ADRA1A: variants seen among roughly 807,000 people sequenced by gnomAD.
ADRA1A encodes alpha-1A adrenergic receptor.
A neutral mutation model predicts 29.6 loss-of-function variants in ADRA1A; 31 were observed. That is an observed-to-expected ratio of 1.05 (90% CI 0.79 to 1.41). The LOEUF (loss-of-function observed/expected upper bound fraction) is 1.41, where lower values mean the gene tolerates loss of function less well. Among genes scored for constraint, ADRA1A ranks in the 40% most tolerant of loss-of-function variants. The probability of loss-of-function intolerance (pLI) is 0.00; values close to 1 mark genes in which losing one functional copy is unlikely to be tolerated. For missense variants in ADRA1A, 619 were observed against 601.1 expected (o/e 1.03, Z -0.31); for synonymous variants, 311 against 254.3 (o/e 1.22, Z -2.12).
intron 2 of ADRA1A, among the ~76,000 whole-genome samples, chr8:26,813,467 G>A (rs1449131128): frequency 6.6e-6 from 1 of 151,856 alleles, no homozygotes; most frequent in East Asian, 1.9e-4. Flanking sequence ...TGGTTAAAAG[G>A]GATCTTAATT....
Position 26,769,375 on chromosome 8 carries a change from A to G in ADRA1A, c.*774T>C. ...GAACTGTTTAATGGATTTTCTCTCT[A>G]GTAGTTAAATTGAAAGAATGATGCT... is the stretch of plus-strand genomic sequence containing the variant. On this transcript the variant is annotated 3_prime_UTR_variant, in exon 3 of 3. Coordinates refer to ENST00000380573, the MANE Select transcript of ADRA1A (RefSeq NM_000680.4). The G allele has an allele frequency of 3.0e-6, 3 of 985,458 alleles. No individual in the cohort carries two copies. The highest frequency in any genetic ancestry group is 3.6e-6 in the Non-Finnish European group (3 of 829,932). 61.0% of individuals were successfully genotyped at this position (985,458 alleles called of 1,614,324 possible). A position where few individuals can be genotyped will look rare whatever the true frequency, so the allele number is the denominator to read the frequency against.
intron 2 of ADRA1A, among the ~76,000 whole-genome samples, chr8:26,824,558 G>C (rs1810412110): frequency 6.6e-6 from 1 of 152,172 alleles, no homozygotes; most frequent in Admixed American, 6.5e-5. Flanking sequence ...CTAGAACCCA[G>C]ATATTCCTGT....
chr8:26,838,006 C>T (rs760419013), intron 2 of ADRA1A, among the ~76,000 whole-genome samples: 2 of 152,164 alleles, frequency 1.3e-5, no homozygotes, highest in South Asian at 2.1e-4. Flanking sequence ...GTTGTTTTTC[C>T]GGCTTGAGTT....
chr8:26,778,049 C>T (rs576405111), intron 2 of ADRA1A, among the ~76,000 whole-genome samples: 1 of 152,302 alleles, frequency 6.6e-6, no homozygotes, highest in East Asian at 1.9e-4. Flanking sequence ...GTCTGGCTGG[C>T]CAAGGAGAGC....
At position 26,806,640 on chromosome 8, in the gene ADRA1A, G is replaced by T. The variant is rs574434953; in HGVS notation, c.884-35974C>A. Among the ~76,000 whole-genome samples, 1 of 152,256 alleles carries T rather than the reference G, an allele frequency of 6.6e-6. No individual in the cohort carries two copies. Among genetic ancestry groups the T allele is most frequent in the African/African-American group, 2.4e-5 (1 of 41,558 alleles). ...AATGAAATGGCCTATAGCTTAGAAT[G>T]GAACCTCTCTAATCGCCAGAGAGTC... On this transcript the variant is annotated intron_variant, in intron 2 of 2. Transcript: ENST00000380573. The surrounding 1 kb of genome is among the most constrained non-coding windows in gnomAD (Gnocchi z 4.6).
intron 2 of ADRA1A, among the ~76,000 whole-genome samples, chr8:26,812,856 T>G (rs925422290): frequency 6.8e-6 from 1 of 146,346 alleles, no homozygotes; most frequent in Non-Finnish European, 1.5e-5. Flanking sequence ...TAGTAGAGAC[T>G]GGAGTTTCAC....
At chr8:26,788,793 A>G (rs1190073433) in intron 2 of ADRA1A, among the ~76,000 whole-genome samples, 2 of 152,160 alleles carry the variant, frequency 1.3e-5, no homozygotes, top group Non-Finnish European at 2.9e-5. Context: ...CGAATGCGCT[A>G]CAACCCACTG....
In ADRA1A at chr8:26,805,904, A is replaced by G. The variant is rs185149799; in HGVS notation, c.884-35238T>C. Among the ~76,000 whole-genome samples the G allele has an allele frequency of 6.6e-6, 1 of 152,266 alleles. No individual in the cohort carries two copies. The highest frequency in any genetic ancestry group is 1.5e-5 in the Non-Finnish European group (1 of 68,016). On this transcript the variant is annotated intron_variant, in intron 2 of 2. Transcript: ENST00000380573. This position sits in a 1 kb window ranked among gnomAD's most constrained non-coding sequence, Gnocchi z 4.8. The stretch of plus-strand genomic sequence containing the variant: ...CCTTGATAAAGACACAGCTTATCAG[A>G]GCCTGTGCCCCCTTCCCCCTAGGCA...
At chr8:26,764,618 C>T (rs1563233165), downstream of ADRA1A, among the ~76,000 whole-genome samples, 1 of 152,234 alleles carries the variant, frequency 6.6e-6, no homozygotes, top group Non-Finnish European at 1.5e-5. Context: ...CCTTAAATCT[C>T]CCACCTCCTC....
At chr8:26,751,805 A>G (rs1288523604), downstream of ADRA1A, among the ~76,000 whole-genome samples, 1 of 152,256 alleles carries the variant, frequency 6.6e-6, no homozygotes, top group Non-Finnish European at 1.5e-5. Context: ...CTTTACATGT[A>G]TCGGTCCAAT....
At chr8:26,834,196 A>G (rs1811187468) in intron 2 of ADRA1A, among the ~76,000 whole-genome samples, 1 of 152,260 alleles carries the variant, frequency 6.6e-6, no homozygotes, top group Non-Finnish European at 1.5e-5. Context: ...AGCAATGTAT[A>G]CAATAAACAA....
At chr8:26,836,157 C>A in intron 2 of ADRA1A, 1 of 236,470 alleles carries the variant, frequency 4.2e-6, no homozygotes. Flanking sequence ...CCAGCAGTTC[C>A]TAGTCTGGTT....
intron 2 of ADRA1A, among the ~76,000 whole-genome samples, chr8:26,832,217 C>T (rs889074561): frequency 6.6e-6 from 1 of 152,194 alleles, no homozygotes; most frequent in Non-Finnish European, 1.5e-5. Context: ...GAACAAGCAG[C>T]AGGCTGCTCT....
chr8:26,854,293 T>C (rs1038244715), intron 2 of ADRA1A: 3 of 152,196 alleles, frequency 2.0e-5, no homozygotes, highest in Admixed American at 2.0e-4. Context: ...CTCAGGAGGC[T>C]GAGAAGAGAG....
At chr8:26,763,692 G>C (rs902210741), downstream of ADRA1A, among the ~76,000 whole-genome samples, 1 of 152,226 alleles carries the variant, frequency 6.6e-6, no homozygotes, top group Non-Finnish European at 1.5e-5. The surrounding 1 kb of genome is among the most constrained non-coding windows in gnomAD (Gnocchi z 4.5). Context: ...GTACTACACT[G>C]TTAGCTAGTA....
At chr8:26,852,497 C>T (rs140265515) in intron 2 of ADRA1A, among the ~76,000 whole-genome samples, 1 of 151,260 alleles carries the variant, frequency 6.6e-6, no homozygotes, top group East Asian at 1.9e-4. Context: ...TGAGCAAAGA[C>T]AAAAAGAAAG....
chr8:26,855,537 A>T (rs889561743), intron 2 of ADRA1A, among the ~76,000 whole-genome samples: 1 of 152,188 alleles, frequency 6.6e-6, no homozygotes, highest in African/African-American at 2.4e-5. Context: ...AAATAAGAAC[A>T]CATGACACGG....
At chr8:26,768,003 C>T (rs1351752836), downstream of ADRA1A, among the ~76,000 whole-genome samples, 2 of 152,078 alleles carry the variant, frequency 1.3e-5, no homozygotes, top group African/African-American at 4.8e-5. Flanking sequence ...TCTAAAAATC[C>T]GGCCAACATC....
rs1813344171 is a variant in ADRA1A, at chr8:26,860,072, C to G, written c.883+4015G>C. Among the ~76,000 whole-genome samples, 14 of 152,244 alleles carry G rather than the reference C, an allele frequency of 9.2e-5. 1 individual carries two copies. The South Asian group carries it at 2.9e-3, about 32-fold the overall frequency. Reference sequence around the variant, plus strand: ...ATGAGCCACCGCGCCTGGCACCTCACTAGGATTTAAAAGAAGCCCAGTGAT... The same window carrying G: ...ATGAGCCACCGCGCCTGGCACCTCAGTAGGATTTAAAAGAAGCCCAGTGAT... On this transcript the variant is annotated intron_variant, in intron 2 of 2. Coordinates refer to ENST00000380573, the MANE Select transcript of ADRA1A (RefSeq NM_000680.4). This position sits in a 1 kb window ranked among gnomAD's most constrained non-coding sequence, Gnocchi z 4.7.
Sources: gnomAD v4.1 joint callset for allele counts (sites outside exome capture counted in the v4.1 genomes callset) on GRCh38, gnomAD v4.1.1 for gene constraint, Gnocchi (gnomAD v3.1) non-coding constraint, MANE v1.5 for transcripts, NCBI Gene and HGNC (gene_info 2026-07-23, HGNC 2026-07-21) for gene names.